The following TAMM41 variants were observed in gnomAD, a reference collection of about 807,000 sequenced individuals.
TAMM41 encodes TAM41 mitochondrial translocator assembly and maintenance homolog.
TAMM41 carries 36 observed loss-of-function variants against 44.1 expected under a neutral mutation model. The ratio of observed to expected loss-of-function variants is 0.82; its 90% CI spans 0.63 to 1.08. The LOEUF (loss-of-function observed/expected upper bound fraction) is 1.08. Among genes scored for constraint, TAMM41 ranks in the 50% least tolerant of loss-of-function variants. TAMM41 has a pLI of 0.00. For synonymous variants in TAMM41, 164 were observed against 153.1 expected (o/e 1.07, Z -0.53); for missense variants, 417 against 404.3 (o/e 1.03, Z -0.27).
the TAMM41 span, among the ~76,000 whole-genome samples, chr3:11,737,284 C>CATTATTATTATT: frequency 7.6e-6 from 1 of 131,674 alleles, no homozygotes; most frequent in African/African-American, 2.9e-5. Context: ...TGTTGGCTTA[C>CATTATTATTATT]ATTATTATTA....
chr3:11,823,588 T>C (rs896361278), intron 4 of TAMM41, among the ~76,000 whole-genome samples: 3 of 151,938 alleles, frequency 2.0e-5, no homozygotes, highest in Non-Finnish European at 4.4e-5. Context: ...TCTTTATATA[T>C]TCTGGATACT....
At chr3:11,756,087 G>T in the TAMM41 span, among the ~76,000 whole-genome samples, 1 of 152,164 alleles carries the variant, frequency 6.6e-6, no homozygotes, top group Non-Finnish European at 1.5e-5. Flanking sequence ...TGAGTGAAAT[G>T]GAGTTTATTC....
At chr3:11,764,105 G>A in the TAMM41 span, among the ~76,000 whole-genome samples, 1 of 152,102 alleles carries the variant, frequency 6.6e-6, no homozygotes, top group Admixed American at 6.6e-5. Flanking sequence ...CCAGGCTCAA[G>A]CGATCCTCCC....
chr3:11,817,483 A>G lies in TAMM41; in HGVS notation c.563-146T>C, dbSNP rs2078330821. 10 of 765,304 alleles carry G rather than the reference A, an allele frequency of 1.3e-5. No individual in the cohort carries two copies. The East Asian group carries it at 2.6e-4, about 20-fold the overall frequency. 47.4% of individuals were successfully genotyped at this position (765,304 alleles called of 1,614,324 possible). A position where few individuals can be genotyped will look rare whatever the true frequency, so the allele number is the denominator to read the frequency against. ...CTTGCTTTTCCTCCTCAAAACCTGG[A>G]CACTTTACCCCAAGAAATGTGAGCA... On this transcript the variant is annotated intron_variant, in intron 4 of 7. Transcript: ENST00000455809.
the TAMM41 span, among the ~76,000 whole-genome samples, chr3:11,783,745 G>C: frequency 6.6e-6 from 1 of 152,310 alleles, no homozygotes; most frequent in Non-Finnish European, 1.5e-5. Flanking sequence ...AGAAACACCT[G>C]CCCATGATGA....
intron 7 of TAMM41, among the ~76,000 whole-genome samples, chr3:11,801,299 ATAATCACT>A (rs2077746620): frequency 6.6e-6 from 1 of 152,070 alleles, no homozygotes; most frequent in Non-Finnish European, 1.5e-5. Flanking sequence ...ATGCCCCTAA[ATAATCACT>A]TAATCACTGG....
At chr3:11,771,013 G>A in the TAMM41 span, among the ~76,000 whole-genome samples, 10 of 151,896 alleles carry the variant, frequency 6.6e-5, no homozygotes, top group Non-Finnish European at 4.4e-5. Context: ...CGGGCAGCTG[G>A]TCCACCCTTC....
chr3:11,834,801 C>T (rs2079111269), intron 3 of TAMM41, among the ~76,000 whole-genome samples: 1 of 152,278 alleles, frequency 6.6e-6, no homozygotes, highest in South Asian at 2.1e-4. Flanking sequence ...ATTCTCCTGC[C>T]TCAGCCTCCC....
intron 7 of TAMM41, among the ~76,000 whole-genome samples, chr3:11,805,236 G>A (rs148826368): frequency 1.1e-3 from 171 of 151,378 alleles, no homozygotes; most frequent in Non-Finnish European, 2.2e-3. Flanking sequence ...CCCTGAGCTC[G>A]GGCAATCTGC....
intron 5 of TAMM41, among the ~76,000 whole-genome samples, chr3:11,814,896 T>A (rs2124976947): frequency 6.6e-6 from 1 of 152,160 alleles, no homozygotes; most frequent in East Asian, 1.9e-4. Flanking sequence ...CTTGGGAGTT[T>A]GAGGTCGCAG....
chr3:11,836,181 G>C (rs916150217), intron 3 of TAMM41, among the ~76,000 whole-genome samples: 1 of 151,874 alleles, frequency 6.6e-6, no homozygotes, highest in African/African-American at 2.4e-5. Context: ...AGTAGAGATG[G>C]GGTTTTGCCA....
At chr3:11,726,758 G>A in the TAMM41 span, among the ~76,000 whole-genome samples, 5 of 148,866 alleles carry the variant, frequency 3.4e-5, no homozygotes, top group East Asian at 3.9e-4. Flanking sequence ...AGTTGAGATC[G>A]CGCTGCTGCA....
the TAMM41 span, among the ~76,000 whole-genome samples, chr3:11,757,345 A>G: frequency 6.6e-6 from 1 of 152,150 alleles, no homozygotes; most frequent in African/African-American, 2.4e-5. Context: ...AAACCAGGGA[A>G]CAAGAGCACT....
intron 1 of TAMM41, among the ~76,000 whole-genome samples, chr3:11,844,445 T>C (rs938674873): frequency 6.6e-6 from 1 of 152,226 alleles, no homozygotes; most frequent in African/African-American, 2.4e-5. Context: ...TTAAACACTT[T>C]ATGGGTAACA....
chr3:11,808,167 G>T, intron 6 of TAMM41: 2 of 949,916 alleles, frequency 2.1e-6, no homozygotes, highest in Non-Finnish European at 2.8e-6. Context: ...CAAGGGGATG[G>T]GTTAGCTGAC....
chr3:11,723,639 G>A, the TAMM41 span, among the ~76,000 whole-genome samples: 1 of 151,432 alleles, frequency 6.6e-6, no homozygotes, highest in Non-Finnish European at 1.5e-5. Flanking sequence ...ACAGTAGTGT[G>A]AATGTACTTA....
chr3:11,764,253 C>T, the TAMM41 span, among the ~76,000 whole-genome samples: 3 of 152,008 alleles, frequency 2.0e-5, no homozygotes, highest in African/African-American at 7.2e-5. Flanking sequence ...GCTTCAGCCT[C>T]CCAAAGTGCT....
the TAMM41 span, among the ~76,000 whole-genome samples, chr3:11,785,386 C>T: frequency 2.0e-5 from 3 of 151,958 alleles, no homozygotes; most frequent in East Asian, 1.9e-4. Flanking sequence ...AGTGCAGTGG[C>T]GCAATCTTGG....
At chr3:11,792,629 A>T (rs1410112574) in intron 7 of TAMM41, among the ~76,000 whole-genome samples, 2 of 152,240 alleles carry the variant, frequency 1.3e-5, no homozygotes, top group Admixed American at 6.5e-5. Flanking sequence ...TAATTTCAAC[A>T]GAGGTGGAGA....
Sources: gnomAD v4.1 joint callset for allele counts (sites outside exome capture counted in the v4.1 genomes callset) on GRCh38, gnomAD v4.1.1 for gene constraint, MANE v1.5 for transcripts, NCBI Gene and HGNC (gene_info 2026-07-23, HGNC 2026-07-21) for gene names.